The following ERBB4 variants were observed in gnomAD, a reference collection of about 807,000 sequenced individuals.
The protein encoded by ERBB4 is erb-b2 receptor tyrosine kinase 4.
ERBB4 carries 42 observed loss-of-function variants against 158.0 expected under a neutral mutation model. The ratio of observed to expected loss-of-function variants is 0.27; its 90% CI spans 0.21 to 0.34. The LOEUF is 0.34. ERBB4 is among the 10% of genes least tolerant of loss of function. The probability of loss-of-function intolerance (pLI) is 1.00; values close to 1 mark genes in which losing one functional copy is unlikely to be tolerated. For synonymous variants in ERBB4, 583 were observed against 558.7 expected (o/e 1.04, Z -0.61); for missense variants, 1,333 against 1,624.1 (o/e 0.82, Z 3.08).
chr2:211,559,447 C>A (rs1368436661), intron 20 of ERBB4, among the ~76,000 whole-genome samples: 1 of 152,174 alleles, frequency 6.6e-6, no homozygotes, highest in Non-Finnish European at 1.5e-5. Context: ...TAGGACTTTT[C>A]TGTGCCTGTT....
intron 20 of ERBB4, among the ~76,000 whole-genome samples, chr2:211,433,934 G>A (rs113679489): frequency 0.014 from 2,083 of 152,132 alleles, 44 homozygotes; most frequent in African/African-American, 0.046. Context: ...TACAACACTC[G>A]TCTGCTCCTA....
chr2:212,344,715 T>C (rs375296930), intron 1 of ERBB4, among the ~76,000 whole-genome samples: 28 of 152,296 alleles, frequency 1.8e-4, no homozygotes, highest in African/African-American at 6.7e-4. Flanking sequence ...GCAGTTAAAA[T>C]GTATTGCATC....
intron 1 of ERBB4, among the ~76,000 whole-genome samples, chr2:212,226,066 A>G (rs1371627164): frequency 6.6e-6 from 1 of 152,136 alleles, no homozygotes; most frequent in African/African-American, 2.4e-5. Flanking sequence ...AAAGTCAGAG[A>G]GATTCAAATC....
Position 212,020,559 on chromosome 2 carries a change from T to A in ERBB4, c.235-72943A>T, listed in dbSNP as rs554235392. ...GTTTGCTCTTTCTTTTACTTATATT[T>A]ATGTAAATCAAACTCAGAATGCTTT... On this transcript the variant is annotated intron_variant, in intron 2 of 27. Transcript: ENST00000342788. Among the ~76,000 whole-genome samples the A allele has an allele frequency of 2.0e-5, 3 of 152,264 alleles. No individual in the cohort carries two copies. In the South Asian group the frequency reaches 6.2e-4, roughly 32 times the overall value.
chr2:212,420,116 A>T (rs2091760144), intron 1 of ERBB4, among the ~76,000 whole-genome samples: 1 of 152,068 alleles, frequency 6.6e-6, no homozygotes, highest in African/African-American at 2.4e-5. Flanking sequence ...GATCATTGTG[A>T]TATGTATTTT....
intron 2 of ERBB4, among the ~76,000 whole-genome samples, chr2:212,030,704 T>G (rs1314881546): frequency 6.6e-6 from 1 of 152,190 alleles, no homozygotes; most frequent in South Asian, 2.1e-4. Context: ...TTTAGCACAA[T>G]GGGCAAGGGA....
chr2:211,509,564 AAGTAATT>A (rs1221624393), intron 20 of ERBB4, among the ~76,000 whole-genome samples: 2 of 152,104 alleles, frequency 1.3e-5, no homozygotes, highest in African/African-American at 4.8e-5. Flanking sequence ...AAGTCCCCAA[AAGTAATT>A]ACAACAAAAA....
intron 20 of ERBB4, among the ~76,000 whole-genome samples, chr2:211,490,895 A>C (rs949471503): frequency 1.2e-4 from 18 of 152,098 alleles, no homozygotes; most frequent in African/African-American, 4.3e-4. Flanking sequence ...TGTTTGCCTC[A>C]GTTGTGTATA....
At chr2:211,899,600 A>T (rs1053109901) in intron 3 of ERBB4, among the ~76,000 whole-genome samples, 1 of 152,110 alleles carries the variant, frequency 6.6e-6, no homozygotes, top group Non-Finnish European at 1.5e-5. Flanking sequence ...TAGTACTTAC[A>T]TTTGATAAAA....
intron 1 of ERBB4, among the ~76,000 whole-genome samples, chr2:212,442,478 A>T (rs1921629): frequency 0.16 from 24,643 of 152,136 alleles, 2,539 homozygotes; most frequent in Non-Finnish European, 0.23. Context: ...AAATGGTCAG[A>T]TATTTTGGGG....
intron 1 of ERBB4, among the ~76,000 whole-genome samples, chr2:212,249,789 TA>T (rs2084461122): frequency 6.6e-6 from 1 of 152,030 alleles, no homozygotes; most frequent in Non-Finnish European, 1.5e-5. Context: ...TGTCAACCAA[TA>T]TACAAGCTGA....
At chr2:212,005,740 C>G (rs931963270) in intron 2 of ERBB4, among the ~76,000 whole-genome samples, 1 of 152,048 alleles carries the variant, frequency 6.6e-6, no homozygotes. Context: ...TAAATTTTTG[C>G]CAGTTATTGA....
intron 20 of ERBB4, among the ~76,000 whole-genome samples, chr2:211,494,376 G>A (rs1223701016): frequency 1.3e-5 from 2 of 151,472 alleles, no homozygotes; most frequent in African/African-American, 4.9e-5. Context: ...TCTGAAACAA[G>A]TAAGAGTGAA....
At chr2:212,383,972 C>T (rs2090593442) in intron 1 of ERBB4, among the ~76,000 whole-genome samples, 1 of 151,516 alleles carries the variant, frequency 6.6e-6, no homozygotes, top group South Asian at 2.1e-4. Flanking sequence ...AATTAAATTG[C>T]TTTTGATCTT....
In ERBB4 at chr2:212,145,171, CA is replaced by C. The variant is rs565062755; in HGVS notation, c.83-20269del. 3.1e-3 allele frequency among the ~76,000 whole-genome samples: 470 copies of C among 151,708 alleles called. 1 individual carries two copies. Among genetic ancestry groups the C allele is most frequent in the African/African-American group, 0.01 (422 of 41,396 alleles). On this transcript the variant is annotated intron_variant, in intron 1 of 27. Transcript: ENST00000342788. ...TTAAGTTTAAAAATTGTAGTTAAAACAAAAAAAATCCATTTGAAAATCAAAT... is the reference window on the plus strand; with the variant it reads ...TTAAGTTTAAAAATTGTAGTTAAAACAAAAAAATCCATTTGAAAATCAAAT...
intron 1 of ERBB4, among the ~76,000 whole-genome samples, chr2:212,350,801 G>T (rs531999745): frequency 1.4e-5 from 1 of 73,288 alleles, no homozygotes; most frequent in Non-Finnish European, 4.0e-5. Flanking sequence ...AATAAAGACT[G>T]TAAAATAATA....
intron 1 of ERBB4, among the ~76,000 whole-genome samples, chr2:212,173,269 G>A (rs2081572086): frequency 6.6e-6 from 1 of 151,988 alleles, no homozygotes; most frequent in Admixed American, 6.6e-5. Flanking sequence ...GACACAAAAA[G>A]AATAGGATAG....
chr2:212,227,399 T>A (rs1471425996), intron 1 of ERBB4, among the ~76,000 whole-genome samples: 3 of 152,130 alleles, frequency 2.0e-5, no homozygotes, highest in Non-Finnish European at 2.9e-5. Context: ...CCCTTTTTGT[T>A]CAGAAAAGGG....
At chr2:211,472,544 T>C (rs1301129255) in intron 20 of ERBB4, among the ~76,000 whole-genome samples, 1 of 151,564 alleles carries the variant, frequency 6.6e-6, no homozygotes, top group Non-Finnish European at 1.5e-5. Context: ...AAAAAACAAT[T>C]CCAAGAAAAA....
Sources: allele counts gnomAD v4.1 joint callset (sites outside exome capture counted in the v4.1 genomes callset), GRCh38; gene constraint gnomAD v4.1.1; transcripts MANE v1.5; gene names NCBI Gene and HGNC (gene_info 2026-07-23, HGNC 2026-07-21).